TBC1D22A: variants seen among roughly 807,000 people sequenced by gnomAD.
The protein encoded by TBC1D22A is TBC1 domain family member 22A, also known as putative GTPase activator.
A neutral mutation model predicts 60.2 loss-of-function variants in TBC1D22A; 38 were observed. The observed-to-expected ratio is 0.63, with a 90% CI of 0.49 to 0.83. TBC1D22A has a LOEUF of 0.83. TBC1D22A is among the 40% of genes least tolerant of loss of function. TBC1D22A has a pLI of 0.00. For synonymous variants in TBC1D22A, 302 were observed against 281.7 expected (o/e 1.07, Z -0.72); for missense variants, 628 against 701.0 (o/e 0.90, Z 1.18).
chr22:47,101,965 A>G (rs1440858825), intron 11 of TBC1D22A, among the ~76,000 whole-genome samples: 1 of 152,132 alleles, frequency 6.6e-6, no homozygotes, highest in African/African-American at 2.4e-5. Flanking sequence ...CAATGATGGT[A>G]TTTCCTCATC....
intron 11 of TBC1D22A, among the ~76,000 whole-genome samples, chr22:47,043,407 A>G (rs2148417341): frequency 6.6e-6 from 1 of 152,282 alleles, no homozygotes; most frequent in East Asian, 1.9e-4. Flanking sequence ...GAGGCTCAGC[A>G]CACCTGCAGT....
chr22:46,768,922 C>A (rs1002342360), intron 1 of TBC1D22A, among the ~76,000 whole-genome samples: 1 of 151,764 alleles, frequency 6.6e-6, no homozygotes, highest in Non-Finnish European at 1.5e-5. Flanking sequence ...GGTGAAACCC[C>A]GTCTCTACTA....
intron 12 of TBC1D22A, among the ~76,000 whole-genome samples, chr22:47,119,954 A>G (rs1317019486): frequency 6.6e-6 from 1 of 152,174 alleles, no homozygotes; most frequent in African/African-American, 2.4e-5. Flanking sequence ...GGGCGCTCCC[A>G]TCAGCCTCCT....
chr22:46,852,996 C>T (rs2087365764), intron 4 of TBC1D22A, among the ~76,000 whole-genome samples: 1 of 152,220 alleles, frequency 6.6e-6, no homozygotes, highest in South Asian at 2.1e-4. Context: ...CACACTGTGA[C>T]CTCCAATGCT....
chr22:47,148,582 C>G (rs2147166259), intron 12 of TBC1D22A, among the ~76,000 whole-genome samples: 1 of 151,664 alleles, frequency 6.6e-6, no homozygotes, highest in East Asian at 1.9e-4. Context: ...GTCCCTCTCT[C>G]TTGGGCTCCT....
chr22:46,949,641 C>T (rs11702975), intron 8 of TBC1D22A, among the ~76,000 whole-genome samples: 13,422 of 152,242 alleles, frequency 0.088, 1,118 homozygotes, highest in African/African-American at 0.22. Flanking sequence ...ATCCATCTGC[C>T]GACCAGGTAT....
At chr22:46,790,764 T>C (rs1225199166) in intron 1 of TBC1D22A, among the ~76,000 whole-genome samples, 1 of 152,216 alleles carries the variant, frequency 6.6e-6, no homozygotes, top group East Asian at 1.9e-4. Flanking sequence ...GCTGGTGGGA[T>C]ATGAACCACG....
chr22:46,827,625 G>C (rs1437889675), intron 4 of TBC1D22A, among the ~76,000 whole-genome samples: 1 of 152,206 alleles, frequency 6.6e-6, no homozygotes, highest in Non-Finnish European at 1.5e-5. Flanking sequence ...CCCAGAGAGA[G>C]CTGCTGTCAT....
chr22:46,775,070 C>G (rs576797123), intron 1 of TBC1D22A, among the ~76,000 whole-genome samples: 1 of 152,322 alleles, frequency 6.6e-6, no homozygotes. Flanking sequence ...TTATTGCAGT[C>G]GTCTGGATGA....
At chr22:46,874,562 C>CTTTTTTTTTTTTTT (rs747481407) in intron 4 of TBC1D22A, among the ~76,000 whole-genome samples, 2 of 40,778 alleles carry the variant, frequency 4.9e-5, no homozygotes, top group African/African-American at 2.1e-4. Flanking sequence ...ACAGGTATGT[C>CTTTTTTTTTTTTTT]TTTTTTTTTT....
chr22:47,005,311 C>A (rs760688464), intron 10 of TBC1D22A, among the ~76,000 whole-genome samples: 19 of 151,210 alleles, frequency 1.3e-4, no homozygotes, highest in Non-Finnish European at 2.5e-4. Context: ...TATACAGGTA[C>A]CCCCTACACA....
chr22:46,893,260 C>T (rs1042130484), intron 6 of TBC1D22A, among the ~76,000 whole-genome samples: 4 of 152,224 alleles, frequency 2.6e-5, no homozygotes, highest in Admixed American at 6.5e-5. Context: ...CAGAGTTAAA[C>T]GTTCATCTGG....
rs181182244 is a variant in TBC1D22A at position 47,061,216 on chromosome 22, G to A, written c.1329+24018G>A. 2.7e-3 allele frequency among the ~76,000 whole-genome samples: 395 copies of A among 148,908 alleles called. 1 individual carries two copies. The highest frequency in any genetic ancestry group is 9.5e-3 in the African/African-American group (382 of 40,102). Reference sequence around the variant, plus strand: ...CTGTCTTCCTCGGTGCCCTCACCACGGTCCTGGAAACGTTAAGCCACGCTG... The same window carrying A: ...CTGTCTTCCTCGGTGCCCTCACCACAGTCCTGGAAACGTTAAGCCACGCTG... On this transcript the variant is annotated intron_variant, in intron 11 of 12. Coordinates refer to ENST00000337137, the MANE Select transcript of TBC1D22A (RefSeq NM_014346.5).
At chr22:46,930,030 A>C (rs1352728130) in intron 8 of TBC1D22A, among the ~76,000 whole-genome samples, 1 of 152,166 alleles carries the variant, frequency 6.6e-6, no homozygotes, top group East Asian at 1.9e-4. Context: ...CTTTATGCAG[A>C]GGACGATGTT....
At chr22:47,036,991 T>G in intron 10 of TBC1D22A, 80 bp from the exon 11 acceptor site, 3 of 1,586,330 alleles carry the variant, frequency 1.9e-6, no homozygotes, top group South Asian at 2.2e-5. Flanking sequence ...GCGCAGGCCC[T>G]TGGGGGACAA....
At chr22:47,119,940 G>A (rs1447688323) in intron 12 of TBC1D22A, among the ~76,000 whole-genome samples, 1 of 152,154 alleles carries the variant, frequency 6.6e-6, no homozygotes, top group Middle Eastern at 3.2e-3. Flanking sequence ...AGGGCAAGAG[G>A]GCTGGGCGCT....
Position 46,798,094 on chromosome 22 carries a change from C to T in TBC1D22A, c.637+474C>T, listed in dbSNP as rs2084736732. Among the ~76,000 whole-genome samples, 4 of 152,328 alleles carry T rather than the reference C, an allele frequency of 2.6e-5. No homozygotes were observed. The South Asian group carries it at 8.3e-4, about 32-fold the overall frequency. ...GTCTGCCTGTGTTGCCCAGGCTGGT[C>T]TTGAACTCCTAGGCTTAAGAGATCC... On this transcript the variant is annotated intron_variant, in intron 4 of 12. Transcript: ENST00000337137.
chr22:46,819,037 C>G (rs1428071311), intron 4 of TBC1D22A, among the ~76,000 whole-genome samples: 1 of 152,068 alleles, frequency 6.6e-6, no homozygotes, highest in Non-Finnish European at 1.5e-5. Flanking sequence ...CTCTGCTTGC[C>G]TATTGTTGGT....
At chr22:47,165,022 A>G (rs1664345852) in intron 12 of TBC1D22A, among the ~76,000 whole-genome samples, 1 of 152,038 alleles carries the variant, frequency 6.6e-6, no homozygotes, top group Admixed American at 6.5e-5. Flanking sequence ...TGAGACCGAG[A>G]GGGGCCTATC....
Sources: allele counts gnomAD v4.1 joint callset (sites outside exome capture counted in the v4.1 genomes callset), GRCh38; gene constraint gnomAD v4.1.1; transcripts MANE v1.5; gene names NCBI Gene and HGNC (gene_info 2026-07-23, HGNC 2026-07-21).